RALGAPA2: variants seen among roughly 807,000 people sequenced by gnomAD.
The protein encoded by RALGAPA2 is Ral GTPase activating protein catalytic subunit alpha 2.
Under a neutral mutation model 230.4 loss-of-function variants are expected in RALGAPA2, and 139 were observed. The observed-to-expected ratio is 0.60, with a 90% confidence interval of 0.53 to 0.69. The LOEUF (loss-of-function observed/expected upper bound fraction) is 0.69, where lower values mean the gene tolerates loss of function less well. RALGAPA2 is among the 30% of genes least tolerant of loss of function. The pLI, the probability that RALGAPA2 is intolerant of heterozygous loss-of-function variation, is 0.00. For synonymous variants in RALGAPA2, 847 were observed against 837.8 expected (o/e 1.01, Z -0.19); for missense variants, 2,163 against 2,276.0 (o/e 0.95, Z 1.01).
intron 10 of RALGAPA2, among the ~76,000 whole-genome samples, chr20:20,621,702 TAATGTG>T (rs533609918): frequency 2.6e-5 from 4 of 152,348 alleles, no homozygotes; most frequent in Middle Eastern, 3.4e-3. Context: ...AATTTTGATT[TAATGTG>T]AGAAGATTCC....
chr20:20,547,006 C>T (rs2063791124), intron 23 of RALGAPA2, among the ~76,000 whole-genome samples, 174 bp from the exon 24 acceptor site: 1 of 152,046 alleles, frequency 6.6e-6, no homozygotes, highest in Non-Finnish European at 1.5e-5. Context: ...TTACTGTACC[C>T]ATTTTAAAGG....
chr20:20,434,744 T>C (rs893483193), intron 37 of RALGAPA2, among the ~76,000 whole-genome samples: 3 of 152,138 alleles, frequency 2.0e-5, no homozygotes, highest in Non-Finnish European at 4.4e-5. Context: ...GAGGCCAGTC[T>C]GGACAACGTG....
At chr20:20,526,096 G>A (rs2063193198) in intron 28 of RALGAPA2, among the ~76,000 whole-genome samples, 156 bp downstream of exon 28, 1 of 152,184 alleles carries the variant, frequency 6.6e-6, no homozygotes, top group African/African-American at 2.4e-5. Flanking sequence ...AATCACAGCT[G>A]AGAAGAACCA....
At chr20:20,439,299 A>T (rs1014484751) in intron 37 of RALGAPA2, among the ~76,000 whole-genome samples, 4 of 151,214 alleles carry the variant, frequency 2.6e-5, no homozygotes, top group Non-Finnish European at 5.9e-5. Flanking sequence ...TGCAGCCGTG[A>T]CCTCCTAGGC....
chr20:20,504,594 C>T (rs1022509407), intron 34 of RALGAPA2, among the ~76,000 whole-genome samples: 4 of 151,988 alleles, frequency 2.6e-5, no homozygotes, highest in South Asian at 4.1e-4. Flanking sequence ...GGTGTGGCGG[C>T]GCGTGCCTGT....
intron 38 of RALGAPA2, 84 bp from the exon 39 acceptor site, chr20:20,396,818 A>G (rs920163536): frequency 1.7e-6 from 2 of 1,173,200 alleles, no homozygotes; most frequent in Non-Finnish European, 1.3e-6. Flanking sequence ...AGTGCTAATA[A>G]TACATTTATC....
rs1296650457 is a variant in RALGAPA2, at chr20:20,398,442, T to C, written c.5618-1708A>G. ...TGTCTCAGTAACTGCCAATCCATGG[T>C]TGAGTTAAGGAGATGCAAAGACAGA... On this transcript the variant is annotated intron_variant, in intron 38 of 39. Coordinates refer to ENST00000202677, the MANE Select transcript of RALGAPA2 (RefSeq NM_020343.4). The surrounding 1 kb of genome is among the most constrained non-coding windows in gnomAD (Gnocchi z 4.5). Among the ~76,000 whole-genome samples, 2 of 152,082 alleles carry C rather than the reference T, an allele frequency of 1.3e-5. No individual in the cohort carries two copies. The highest frequency in any genetic ancestry group is 6.6e-5 in the Admixed American group (1 of 15,262).
intron 37 of RALGAPA2, among the ~76,000 whole-genome samples, chr20:20,436,968 G>A (rs151044338): frequency 6.6e-6 from 1 of 152,310 alleles, no homozygotes; most frequent in East Asian, 1.9e-4. Context: ...CAAGCTCCGG[G>A]GCTAACTAAC....
chr20:20,694,386 C>T (rs866432766), intron 1 of RALGAPA2, among the ~76,000 whole-genome samples: 21 of 152,198 alleles, frequency 1.4e-4, no homozygotes, highest in Non-Finnish European at 4.4e-5. Flanking sequence ...GTGAAATTAA[C>T]TCAGTAAAGA....
chr20:20,442,024 T>G (rs1039676932), intron 37 of RALGAPA2, among the ~76,000 whole-genome samples: 146 of 152,344 alleles, frequency 9.6e-4, no homozygotes, highest in African/African-American at 2.2e-3. Context: ...GTTTGCACAT[T>G]CAAAGTAGTC....
chr20:20,655,701 G>A (rs1275329959), intron 3 of RALGAPA2, among the ~76,000 whole-genome samples: 3 of 152,152 alleles, frequency 2.0e-5, no homozygotes, highest in African/African-American at 4.8e-5. Flanking sequence ...GGAGGCAGCT[G>A]AGAGGGGAGG....
chr20:20,708,411 T>C (rs971446329), intron 1 of RALGAPA2, among the ~76,000 whole-genome samples: 1 of 152,160 alleles, frequency 6.6e-6, no homozygotes, highest in Admixed American at 6.5e-5. Flanking sequence ...CGGGTGGAGA[T>C]AATTGAATCA....
chr20:20,568,425 G>A (rs1010511048), intron 23 of RALGAPA2, among the ~76,000 whole-genome samples: 4 of 152,122 alleles, frequency 2.6e-5, no homozygotes, highest in Non-Finnish European at 5.9e-5. Flanking sequence ...TTTTCTGGCT[G>A]TTTGGTATAT....
intron 27 of RALGAPA2, 42 bp downstream of exon 27, chr20:20,531,643 CAG>C (rs769544619): frequency 1.4e-6 from 2 of 1,428,968 alleles, no homozygotes; most frequent in East Asian, 4.8e-5. Context: ...TTAAATGCCT[CAG>C]ATATGGCTTA....
chr20:20,599,542 A>G (rs1237261598), intron 16 of RALGAPA2, among the ~76,000 whole-genome samples: 1 of 152,266 alleles, frequency 6.6e-6, no homozygotes, highest in Non-Finnish European at 1.5e-5. Flanking sequence ...TTCTAAAACA[A>G]AAATATAAAG....
At chr20:20,465,149 TCA>T (rs74180992) in intron 37 of RALGAPA2, among the ~76,000 whole-genome samples, 1,627 of 109,216 alleles carry the variant, frequency 0.015, 36 homozygotes, top group African/African-American at 0.045. Context: ...CCGCAGGCCT[TCA>T]CACACACACA....
At chr20:20,559,787 G>A (rs2064201918) in intron 23 of RALGAPA2, among the ~76,000 whole-genome samples, 1 of 151,878 alleles carries the variant, frequency 6.6e-6, no homozygotes, top group Admixed American at 6.6e-5. Flanking sequence ...GCTGAACTTG[G>A]GCAGATACTT....
chr20:20,521,702 A>C (rs1292895183), intron 30 of RALGAPA2, among the ~76,000 whole-genome samples: 1 of 152,242 alleles, frequency 6.6e-6, no homozygotes, highest in Non-Finnish European at 1.5e-5. Flanking sequence ...AATCATCTTG[A>C]ATATGCCAAA....
intron 2 of RALGAPA2, among the ~76,000 whole-genome samples, chr20:20,677,912 C>G (rs914473682): frequency 6.6e-6 from 1 of 151,970 alleles, no homozygotes; most frequent in African/African-American, 2.4e-5. Context: ...TCCCAAAGTG[C>G]TGGGATTACA....
Sources: gnomAD v4.1 joint callset for allele counts (sites outside exome capture counted in the v4.1 genomes callset) on GRCh38, gnomAD v4.1.1 for gene constraint, Gnocchi (gnomAD v3.1) non-coding constraint, MANE v1.5 for transcripts, NCBI Gene and HGNC (gene_info 2026-07-23, HGNC 2026-07-21) for gene names.